Variants in PRSS23 observed in about 807,000 individuals in gnomAD.
PRSS23 encodes the protein serine protease 23, also known as protease, serine 23.
Under a neutral mutation model 34.7 loss-of-function variants are expected in PRSS23, and 25 were observed. The ratio of observed to expected loss-of-function variants is 0.72; its 90% CI spans 0.53 to 1.01. The LOEUF is 1.01. Among genes scored for constraint, PRSS23 ranks in the 50% least tolerant of loss-of-function variants. The pLI, the probability that PRSS23 is intolerant of heterozygous loss-of-function variation, is 0.00. For missense variants in PRSS23, 445 were observed against 475.6 expected (o/e 0.94, Z 0.60); for synonymous variants, 176 against 186.6 (o/e 0.94, Z 0.46).
At chr11:86,834,570 TTCCTTTCC>T (rs1948389766) in intron 2 of PRSS23, among the ~76,000 whole-genome samples, 1 of 136,262 alleles carries the variant, frequency 7.3e-6, no homozygotes, top group African/African-American at 2.9e-5. Flanking sequence ...TTCCTTTCCT[TTCCTTTCC>T]TTTCCTTTCC....
rs1182649291 is a variant in PRSS23, at chr11:86,830,151, G to A, written c.206+6558G>A. Among the ~76,000 whole-genome samples, 5 of 152,298 alleles carry A rather than the reference G, an allele frequency of 3.3e-5. No individual in the cohort carries two copies. In the East Asian group the frequency reaches 9.7e-4, roughly 29 times the overall value. On this transcript the variant is annotated intron_variant, in intron 2 of 2. Coordinates refer to the PRSS23 transcript ENST00000533902. ...AGCTGTGGTGGGCTCCACCCAGCTC[G>A]AGCTTCCCAGCTGCTTTGTTTACCT...
chr11:86,873,247 C>CACATATATGTGT (rs570175257), intron 2 of PRSS23, among the ~76,000 whole-genome samples: 2 of 79,840 alleles, frequency 2.5e-5, no homozygotes, highest in African/African-American at 1.4e-4. Context: ...CACACACACA[C>CACATATATGTGT]ATATATATGT....
At position 86,824,926 on chromosome 11, in the gene PRSS23, G is replaced by A. The variant is rs528819006; in HGVS notation, c.206+1333G>A. On this transcript the variant is annotated intron_variant, in intron 2 of 2. Coordinates refer to the PRSS23 transcript ENST00000533902. ...CCAAGTCTTTGCTATTGTGAATAGT[G>A]CCACAATAAACATACCTGTGTATGT... Among the ~76,000 whole-genome samples the A allele has an allele frequency of 2.0e-5, 3 of 152,184 alleles. No individual in the cohort carries two copies. In the South Asian group the frequency reaches 6.2e-4, roughly 32 times the overall value.
chr11:86,917,746 C>T (rs1949022938), intron 2 of PRSS23, among the ~76,000 whole-genome samples: 1 of 152,200 alleles, frequency 6.6e-6, no homozygotes, highest in African/African-American at 2.4e-5. Context: ...GATTGGACCA[C>T]ATTAGGGCAG....
At chr11:86,916,353 G>C (rs1273458220) in intron 2 of PRSS23, among the ~76,000 whole-genome samples, 2 of 152,112 alleles carry the variant, frequency 1.3e-5, no homozygotes, top group African/African-American at 2.4e-5. Context: ...TCATGTCACT[G>C]GTGTTACCCT....
chr11:86,800,307 A>T, upstream of PRSS23: 1 of 311,244 alleles, frequency 3.2e-6, no homozygotes, highest in Non-Finnish European at 4.7e-6. Flanking sequence ...CGGACTGGCG[A>T]CTGCTGCCGC....
chr11:86,837,586 G>A (rs1264093097), intron 2 of PRSS23: 3 of 152,142 alleles, frequency 2.0e-5, no homozygotes, highest in Non-Finnish European at 2.9e-5. Context: ...GGGCAACATG[G>A]TGAAACCATG....
chr11:86,950,273 T>C (rs1184287636), intron 2 of PRSS23: 3 of 152,688 alleles, frequency 2.0e-5, no homozygotes, highest in Non-Finnish European at 4.4e-5. Flanking sequence ...GTCCGTCAGG[T>C]AAGTCAACTT....
chr11:86,793,062 G>T (rs1029111850), intron 1 of PRSS23, among the ~76,000 whole-genome samples: 1 of 152,142 alleles, frequency 6.6e-6, no homozygotes, highest in African/African-American at 2.4e-5. Flanking sequence ...TCACCATGTT[G>T]CCCAGGCTAG....
At position 86,808,005 on chromosome 11, in the gene PRSS23, C is replaced by G; in HGVS notation, c.362C>G (p.Ser121Ter). Residue 121 changes from serine (S) to a stop codon, truncating the protein, a stop_gained, in exon 2 of 2, where the codon TCA becomes TGA. Transcript: ENST00000280258. LOFTEE classifies it high-confidence loss of function. The part of the protein sequence containing the change: ...DGAQHRDSGS[S>*]GKSRRKRQIY... ...GCCCAACACCGAGACTCAGGGTCTT[C>G]AGGAAAGTCTCGAAGGAAGCGGCAG... 1.2e-6 allele frequency: 2 copies of G among 1,614,012 alleles called. No homozygotes were observed. Among genetic ancestry groups the G allele is most frequent in the Non-Finnish European group, 1.7e-6 (2 of 1,180,006 alleles).
intron 2 of PRSS23, among the ~76,000 whole-genome samples, chr11:86,925,554 A>T (rs1456075511): frequency 1.3e-5 from 2 of 152,210 alleles, no homozygotes; most frequent in Non-Finnish European, 2.9e-5. Context: ...AGCTCTCAAT[A>T]ACAGAAAGGA....
chr11:86,865,363 G>A (rs1672819529), intron 2 of PRSS23, among the ~76,000 whole-genome samples: 1 of 152,202 alleles, frequency 6.6e-6, no homozygotes, highest in African/African-American at 2.4e-5. Context: ...ATCACTTGGA[G>A]GTAACATATG....
chr11:86,855,588 T>G (rs1948564274), intron 2 of PRSS23, among the ~76,000 whole-genome samples: 1 of 152,144 alleles, frequency 6.6e-6, no homozygotes, highest in African/African-American at 2.4e-5. Context: ...CTCTGCCTCC[T>G]AGTTTCAAGC....
chr11:86,848,303 A>G (rs1458815430), intron 2 of PRSS23, among the ~76,000 whole-genome samples: 1 of 152,230 alleles, frequency 6.6e-6, no homozygotes, highest in African/African-American at 2.4e-5. Flanking sequence ...CCAGCAATTT[A>G]GGGATCGATA....
rs551106020 is a variant in PRSS23, at chr11:86,935,304, C to G, written c.207-15912C>G. ...TTTGTGTCAGGCTTTGTGCAAGAAG[C>G]TGGAAATATTTTTAAAGTATAGACA... On this transcript the variant is annotated intron_variant, in intron 2 of 2. Coordinates refer to the PRSS23 transcript ENST00000533902. 6 of 152,324 alleles carry G rather than the reference C, an allele frequency of 3.9e-5. No homozygotes were observed. In the South Asian group the frequency reaches 1.2e-3, roughly 32 times the overall value. 9.4% of individuals were successfully genotyped at this position (152,324 alleles called of 1,614,324 possible).
At position 86,800,610 on chromosome 11, in the gene PRSS23, G is replaced by A. The variant is rs1000489195; in HGVS notation, c.-55G>A. ...TCTCCCGGCGCCCACACCTGTCTGA[G>A]CGGCGCAGCGAGCCGCGGCCCGGGC... On this transcript the variant is annotated 5_prime_UTR_variant, in exon 1 of 2. Transcript: ENST00000280258. 2 of 985,180 alleles carry A rather than the reference G, an allele frequency of 2.0e-6. No individual in the cohort carries two copies. Among genetic ancestry groups the A allele is most frequent in the Non-Finnish European group, 2.4e-6 (2 of 829,856 alleles). The allele number at this position is 985,180 out of a possible 1,614,324, so 61.0% of individuals were successfully genotyped here. A position where few individuals can be genotyped will look rare whatever the true frequency, so the allele number is the denominator to read the frequency against.
At chr11:86,862,096 G>C (rs1473088664) in intron 2 of PRSS23, among the ~76,000 whole-genome samples, 1 of 151,968 alleles carries the variant, frequency 6.6e-6, no homozygotes, top group Non-Finnish European at 1.5e-5. Context: ...AATATCGCAG[G>C]GGGTGTACAC....
intron 2 of PRSS23, among the ~76,000 whole-genome samples, chr11:86,867,813 G>T (rs893489472): frequency 1.3e-5 from 2 of 149,634 alleles, no homozygotes; most frequent in Non-Finnish European, 3.0e-5. Context: ...GGAGGCTAAG[G>T]CTGCAGTGAG....
At chr11:86,837,617 A>G (rs1565361592) in intron 2 of PRSS23, 1 of 152,204 alleles carries the variant, frequency 6.6e-6, no homozygotes, top group South Asian at 2.1e-4. Flanking sequence ...AATTACAAAT[A>G]TTAGCTAAGC....
Sources: allele counts gnomAD v4.1 joint callset (sites outside exome capture counted in the v4.1 genomes callset), GRCh38; gene constraint gnomAD v4.1.1; transcripts MANE v1.5; gene names NCBI Gene and HGNC (gene_info 2026-07-23, HGNC 2026-07-21).